Variants in MMP20 observed in about 807,000 individuals in gnomAD.
The protein encoded by MMP20 is matrix metallopeptidase 20, also known as matrix metalloproteinase-20.
In MMP20, 50 loss-of-function variants were observed where a neutral mutation model predicts 51.8. The ratio of observed to expected loss-of-function variants is 0.97; its 90% confidence interval spans 0.77 to 1.22. MMP20 has a LOEUF of 1.22. MMP20 is among the 50% of genes most tolerant of loss of function. The pLI is 0.00. For synonymous variants in MMP20, 244 were observed against 216.2 expected, an observed-to-expected ratio of 1.13 and a Z score of -1.13; for missense variants, 663 against 601.4, an observed-to-expected ratio of 1.10 and a Z score of -1.07.
At chr11:102,591,452 T>C (rs898621567) in intron 8 of MMP20, among the ~76,000 whole-genome samples, 8 of 152,246 alleles carry the variant, frequency 5.3e-5, no homozygotes, top group African/African-American at 1.4e-4. Flanking sequence ...AAGAAATTAT[T>C]TGTTAGTTAC....
chr11:102,595,416 C>T (rs1035689185), intron 6 of MMP20, among the ~76,000 whole-genome samples: 2 of 152,182 alleles, frequency 1.3e-5, no homozygotes, highest in Non-Finnish European at 1.5e-5. Context: ...TGCACCCCCC[C>T]ATTCCAAATA....
chr11:102,577,420 A>C lies in MMP20; in HGVS notation c.1358T>G (p.Ile453Ser). 6.2e-7 allele frequency: 1 copy of C among 1,611,286 alleles called. No homozygotes were observed. Among genetic ancestry groups the C allele is most frequent in the Non-Finnish European group, 8.5e-7 (1 of 1,177,456 alleles). The change falls in exon 10 of 10, where the codon ATT becomes AGT. Residue 453 changes from isoleucine to serine, a missense_variant. Ile to Ser is a moderately radical substitution (Grantham distance 142). Transcript: ENST00000260228. ...TGTTTTTGGTCCTGAAAAGAAGTAA[A>C]TGTAGCCTAAAAGAGACAAAGTTGA... ...IDAAVELNGY[I>S]YFFSGPKTYK...
intron 1 of MMP20, among the ~76,000 whole-genome samples, chr11:102,622,159 A>G (rs972254726): frequency 1.3e-5 from 2 of 152,334 alleles, no homozygotes; most frequent in South Asian, 4.1e-4. Context: ...GAAGCTGTTT[A>G]TCTTTTCAAG....
At chr11:102,591,022 T>G (rs1289752353) in intron 8 of MMP20, among the ~76,000 whole-genome samples, 3 of 152,234 alleles carry the variant, frequency 2.0e-5, no homozygotes, top group Non-Finnish European at 4.4e-5. Context: ...CCCTCATGTG[T>G]TTAAGCCACA....
chr11:102,578,662 G>A (rs1428855848), intron 9 of MMP20, among the ~76,000 whole-genome samples: 2 of 152,126 alleles, frequency 1.3e-5, no homozygotes, highest in Non-Finnish European at 2.9e-5. Flanking sequence ...CTCGAATCTG[G>A]GAGGCAGAAG....
chr11:102,611,752 T>C lies in MMP20; in HGVS notation c.523+3A>G. The C allele has an allele frequency of 6.2e-7, 1 of 1,613,778 alleles. No homozygotes were observed. The highest frequency in any genetic ancestry group is 1.1e-5 in the South Asian group (1 of 91,086). On this transcript the variant is annotated splice_donor_region_variant and intron_variant, in intron 3 of 9. Coordinates refer to ENST00000260228, the MANE Select transcript of MMP20 (RefSeq NM_004771.4). Reference sequence around the variant, plus strand: ...AGTAGATGGAATCCAAGTACCACAATACCTCCATTTTCAAAAGATATCATA... The same window carrying C: ...AGTAGATGGAATCCAAGTACCACAACACCTCCATTTTCAAAAGATATCATA...
At chr11:102,578,609 G>A (rs894086198) in intron 9 of MMP20, among the ~76,000 whole-genome samples, 20 of 152,262 alleles carry the variant, frequency 1.3e-4, no homozygotes, top group Admixed American at 5.2e-4. Context: ...GGTGGCCAGC[G>A]CCTGTAGTCC....
intron 6 of MMP20, among the ~76,000 whole-genome samples, chr11:102,602,339 TA>T (rs1407874337): frequency 6.9e-6 from 1 of 144,604 alleles, no homozygotes; most frequent in East Asian, 2.0e-4. Flanking sequence ...AGTGACAGAT[TA>T]AAAAAATATA....
intron 1 of MMP20, among the ~76,000 whole-genome samples, chr11:102,622,511 A>G (rs2135950161): frequency 6.6e-6 from 1 of 152,256 alleles, no homozygotes; most frequent in East Asian, 1.9e-4. Context: ...CATGCAGCTC[A>G]GGTTCATCTC....
intron 1 of MMP20, among the ~76,000 whole-genome samples, chr11:102,620,612 G>T (rs1342312305): frequency 6.6e-6 from 1 of 152,176 alleles, no homozygotes; most frequent in African/African-American, 2.4e-5. Context: ...ATTCCTGCAG[G>T]CTAGCAGCTT....
At chr11:102,622,154 T>G (rs1409434030) in intron 1 of MMP20, among the ~76,000 whole-genome samples, 1 of 152,156 alleles carries the variant, frequency 6.6e-6, no homozygotes, top group African/African-American at 2.4e-5. Flanking sequence ...ATCAAGAAGC[T>G]GTTTATCTTT....
chr11:102,584,421 T>G (rs1419972322), intron 8 of MMP20, among the ~76,000 whole-genome samples: 2 of 152,234 alleles, frequency 1.3e-5, no homozygotes, highest in African/African-American at 4.8e-5. Context: ...GCCATTTGTA[T>G]ATCTTTGTTG....
At chr11:102,579,253 C>G in intron 8 of MMP20, 111 bp from the exon 9 acceptor site, 1 of 710,746 alleles carries the variant, frequency 1.4e-6, no homozygotes, top group Non-Finnish European at 2.5e-6. Flanking sequence ...GTGTTCCTCT[C>G]TCTCTCTGTT....
chr11:102,597,892 C>T (rs1367467186), intron 6 of MMP20, among the ~76,000 whole-genome samples: 8 of 152,026 alleles, frequency 5.3e-5, no homozygotes, highest in Non-Finnish European at 8.8e-5. Flanking sequence ...CTCAGCCTCC[C>T]GAGTAGCTGG....
chr11:102,584,680 A>G (rs902321254), intron 8 of MMP20, among the ~76,000 whole-genome samples: 3 of 152,042 alleles, frequency 2.0e-5, no homozygotes, highest in Non-Finnish European at 4.4e-5. Flanking sequence ...TTCATGTTGT[A>G]TCTGAGTATT....
At chr11:102,604,279 G>C (rs1859485632) in intron 6 of MMP20, among the ~76,000 whole-genome samples, 1 of 152,044 alleles carries the variant, frequency 6.6e-6, no homozygotes, top group Non-Finnish European at 1.5e-5. Context: ...TGTGCTCCAA[G>C]CTCCTCCTGC....
intron 1 of MMP20, among the ~76,000 whole-genome samples, chr11:102,624,555 T>TA (rs1413417856): frequency 6.6e-6 from 1 of 151,948 alleles, no homozygotes; most frequent in Non-Finnish European, 1.5e-5. Context: ...AAGAGGAAAA[T>TA]ACACAAAGTT....
intron 6 of MMP20, among the ~76,000 whole-genome samples, chr11:102,605,020 G>A (rs1859496305): frequency 6.6e-6 from 1 of 152,220 alleles, no homozygotes; most frequent in Non-Finnish European, 1.5e-5. Flanking sequence ...TACCTTCAAT[G>A]GGATGGTATT....
intron 2 of MMP20, among the ~76,000 whole-genome samples, chr11:102,612,794 T>C (rs1011434808): frequency 2.3e-4 from 33 of 146,168 alleles, no homozygotes; most frequent in African/African-American, 8.2e-4. Context: ...TGGAGTGCAA[T>C]GGCATGATCT....
Sources: gnomAD v4.1 joint callset for allele counts (sites outside exome capture counted in the v4.1 genomes callset) on GRCh38, gnomAD v4.1.1 for gene constraint, MANE v1.5 for transcripts, NCBI Gene and HGNC (gene_info 2026-07-23, HGNC 2026-07-21) for gene names.